GRID2: variants seen among roughly 807,000 people sequenced by gnomAD.
GRID2 encodes glutamate ionotropic receptor delta type subunit 2.
In GRID2, 33 loss-of-function variants were observed where a neutral mutation model predicts 114.8. That is an observed-to-expected ratio of 0.29 (90% CI 0.22 to 0.38). The LOEUF (loss-of-function observed/expected upper bound fraction) is 0.38, where lower values mean the gene tolerates loss of function less well. Among genes scored for constraint, GRID2 ranks in the 10% least tolerant of loss-of-function variants. The pLI, the probability that GRID2 is intolerant of heterozygous loss-of-function variation, is 1.00. For synonymous variants in GRID2, 505 were observed against 449.9 expected, an observed-to-expected ratio of 1.12 and a Z score of -1.55; for missense variants, 1,184 against 1,257.7, an observed-to-expected ratio of 0.94 and a Z score of 0.89.
chr4:93,298,729 A>G (rs995988510), intron 8 of GRID2, among the ~76,000 whole-genome samples: 2 of 152,238 alleles, frequency 1.3e-5, no homozygotes, highest in Non-Finnish European at 2.9e-5. Flanking sequence ...CCCTGTCTCC[A>G]GTGCAGATCT....
chr4:92,881,664 A>G (rs187549270), intron 2 of GRID2, among the ~76,000 whole-genome samples: 2 of 152,198 alleles, frequency 1.3e-5, no homozygotes, highest in Admixed American at 1.3e-4. Context: ...AATGGCTGCT[A>G]AAAACTTTTG....
intron 2 of GRID2, among the ~76,000 whole-genome samples, chr4:92,677,566 C>A (rs770568118): frequency 6.6e-6 from 1 of 152,062 alleles, no homozygotes; most frequent in South Asian, 2.1e-4. Flanking sequence ...CTCTTGATCT[C>A]CTTTATAAAA....
intron 2 of GRID2, among the ~76,000 whole-genome samples, chr4:92,784,142 T>C (rs1739212962): frequency 6.6e-6 from 1 of 152,068 alleles, no homozygotes; most frequent in South Asian, 2.1e-4. Context: ...ATTTTAATTA[T>C]GTAGATTTGG....
At chr4:93,019,355 T>C (rs1278290942) in intron 2 of GRID2, among the ~76,000 whole-genome samples, 2 of 152,154 alleles carry the variant, frequency 1.3e-5, no homozygotes, top group Non-Finnish European at 2.9e-5. Context: ...CTTGTCAGTT[T>C]GAGTTTTTCA....
chr4:93,357,832 C>A (rs1761496383), intron 8 of GRID2, among the ~76,000 whole-genome samples: 1 of 151,502 alleles, frequency 6.6e-6, no homozygotes, highest in South Asian at 2.1e-4. Flanking sequence ...TCCTTCCCAC[C>A]TTTTTGTATA....
chr4:93,043,108 A>G (rs766135950), intron 2 of GRID2, among the ~76,000 whole-genome samples: 22 of 152,166 alleles, frequency 1.4e-4, no homozygotes, highest in Non-Finnish European at 1.9e-4. Flanking sequence ...AATGAATAAG[A>G]TTAACTAGCA....
intron 14 of GRID2, among the ~76,000 whole-genome samples, chr4:93,645,442 A>G (rs547451562): frequency 6.6e-6 from 1 of 152,304 alleles, no homozygotes; most frequent in Non-Finnish European, 1.5e-5. Flanking sequence ...ATGGTTATTG[A>G]CTTGGGCAAA....
At chr4:92,429,836 C>T (rs1395115695) in intron 1 of GRID2, among the ~76,000 whole-genome samples, 9 of 152,162 alleles carry the variant, frequency 5.9e-5, no homozygotes, top group Admixed American at 5.9e-4. Flanking sequence ...TGTTGATTTG[C>T]ATTTCCTTGA....
intron 2 of GRID2, among the ~76,000 whole-genome samples, chr4:93,033,311 T>C (rs1724608800): frequency 6.6e-6 from 1 of 152,182 alleles, no homozygotes. Context: ...TATGGTTTAC[T>C]ACAGAAAAAT....
intron 8 of GRID2, among the ~76,000 whole-genome samples, chr4:93,380,484 CT>C (rs1475010786): frequency 6.7e-6 from 1 of 150,330 alleles, no homozygotes; most frequent in African/African-American, 2.5e-5. Flanking sequence ...TCTAGTTTGC[CT>C]TATTTTCCAA....
chr4:93,030,258 G>T (rs560467096), intron 2 of GRID2, among the ~76,000 whole-genome samples: 11 of 151,572 alleles, frequency 7.3e-5, no homozygotes, highest in Middle Eastern at 3.2e-3. Flanking sequence ...CTTTTCTCCC[G>T]CTCTCCTTTC....
intron 4 of GRID2, among the ~76,000 whole-genome samples, chr4:93,121,682 A>G (rs553813637): frequency 2.8e-4 from 43 of 152,172 alleles, no homozygotes; most frequent in Non-Finnish European, 4.6e-4. Flanking sequence ...AGGAGTACGC[A>G]TAAGGCATGT....
At chr4:92,638,572 T>C (rs115844545) in intron 2 of GRID2, among the ~76,000 whole-genome samples, 7,015 of 149,396 alleles carry the variant, frequency 0.047, 203 homozygotes, top group East Asian at 0.094. Context: ...ATGAGAATCT[T>C]TTATGTGATA....
chr4:93,367,948 T>C (rs535117429), intron 8 of GRID2, among the ~76,000 whole-genome samples: 2 of 152,276 alleles, frequency 1.3e-5, no homozygotes, highest in East Asian at 3.9e-4. Flanking sequence ...CACCAGTGAT[T>C]ACAGAAAATC....
At chr4:92,312,479 G>A (rs1725757301) in intron 1 of GRID2, among the ~76,000 whole-genome samples, 1 of 152,060 alleles carries the variant, frequency 6.6e-6, no homozygotes, top group Admixed American at 6.6e-5. Context: ...TGATAGATGA[G>A]CCAGGTGGGA....
At position 92,935,420 on chromosome 4, in the gene GRID2, CTT is replaced by C. The variant is rs1750588461; in HGVS notation, c.245-149572_245-149571del. On this transcript the variant is annotated intron_variant, in intron 2 of 15. Coordinates refer to ENST00000282020, the MANE Select transcript of GRID2 (RefSeq NM_001510.4). ...GAGAGGATGTGGAGAAATAGGAACA[CTT>C]TTACACTGTTGGTGGGACTGTAAAC... Among the ~76,000 whole-genome samples, 6 of 146,064 alleles carry C rather than the reference CTT, an allele frequency of 4.1e-5. 1 individual carries two copies. The South Asian group carries it at 1.4e-3, about 34-fold the overall frequency.
chr4:92,910,329 C>T, intron 2 of GRID2, among the ~76,000 whole-genome samples: 1 of 152,078 alleles, frequency 6.6e-6, no homozygotes, highest in East Asian at 1.9e-4. Context: ...CTGAGCAGAT[C>T]TGAGGTGCCA....
intron 1 of GRID2, among the ~76,000 whole-genome samples, chr4:92,368,638 A>G (rs114914624): frequency 0.024 from 3,686 of 152,130 alleles, 80 homozygotes; most frequent in Admixed American, 0.045. Context: ...GTATAATCCT[A>G]TGAAGGGCAT....
rs571109176 is a variant in GRID2, at chr4:92,935,476, G to A, written c.245-149519G>A. Among the ~76,000 whole-genome samples, 800 of 146,724 alleles carry A rather than the reference G, an allele frequency of 5.5e-3. 22 individuals carry two copies. Among genetic ancestry groups the A allele is most frequent in the African/African-American group, 0.018 (762 of 41,198 alleles). ...TTCAACCATTGTGGAAGTCAGTGTG[G>A]CGCTTCCTCAGGGATCTAGAACTAG... is the stretch of plus-strand genomic sequence containing the variant. On this transcript the variant is annotated intron_variant, in intron 2 of 15. Transcript: ENST00000282020.
Sources: gnomAD v4.1 joint callset for allele counts (sites outside exome capture counted in the v4.1 genomes callset) on GRCh38, gnomAD v4.1.1 for gene constraint, MANE v1.5 for transcripts, NCBI Gene and HGNC (gene_info 2026-07-23, HGNC 2026-07-21) for gene names.